CDK5RAP2: variants seen among roughly 807,000 people sequenced by gnomAD.
The protein encoded by CDK5RAP2 is CDK5 regulatory subunit-associated protein 2.
CDK5RAP2 carries 147 observed loss-of-function variants against 232.9 expected under a neutral mutation model. That is an observed-to-expected ratio of 0.63 (90% CI 0.55 to 0.72). The LOEUF is 0.72. Ranked by LOEUF, CDK5RAP2 falls within the 30% of genes least tolerant of loss-of-function variation. The pLI is 0.00. For synonymous variants in CDK5RAP2, 833 were observed against 833.7 expected (o/e 1.00, Z 0.01); for missense variants, 2,195 against 2,231.5 (o/e 0.98, Z 0.33).
chr9:120,425,070 G>A (rs1268627721), intron 25 of CDK5RAP2, among the ~76,000 whole-genome samples: 1 of 152,062 alleles, frequency 6.6e-6, no homozygotes, highest in Non-Finnish European at 1.5e-5. Context: ...TTTGGGGCAG[G>A]CTTTAAGCAT....
intron 22 of CDK5RAP2, among the ~76,000 whole-genome samples, chr9:120,446,413 A>G (rs1017281329): frequency 1.3e-5 from 2 of 152,074 alleles, no homozygotes; most frequent in Admixed American, 1.3e-4. Flanking sequence ...TTTAGTAGAG[A>G]TGGGGTTTCG....
rs2040971546 is a variant in CDK5RAP2 at position 120,527,813 on chromosome 9, T to C, written c.992A>G (p.Glu331Gly). ...CAAGTGTATCAGACATACCTTTTTTTCCTTTGATTTTAATGCCATGGTTAA... is the reference window on the plus strand; with the variant it reads ...CAAGTGTATCAGACATACCTTTTTTCCCTTTGATTTTAATGCCATGGTTAA... ...QGLTMALKSK[E>G]KKVEELNSEI... The change falls in exon 10 of 38, where the codon GAA (glutamate) becomes GGA (glycine). Residue 331 changes from glutamate (E) to glycine (G), a missense_variant. Transcript: ENST00000349780. The C allele has an allele frequency of 6.2e-7, 1 of 1,613,576 alleles. No homozygotes were observed. The highest frequency in any genetic ancestry group is 1.1e-5 in the South Asian group (1 of 91,078).
At chr9:120,558,331 C>G (rs1483907974) in intron 3 of CDK5RAP2, among the ~76,000 whole-genome samples, 3 of 127,374 alleles carry the variant, frequency 2.4e-5, no homozygotes, top group African/African-American at 8.9e-5. Flanking sequence ...CGAGATCACA[C>G]CACTGCACTC....
Position 120,518,595 on chromosome 9 carries a change from A to G in CDK5RAP2, c.1143T>C (p.Ala381=). 1.2e-6 allele frequency: 2 copies of G among 1,613,848 alleles called. No homozygotes were observed. Among genetic ancestry groups the G allele is most frequent in the Non-Finnish European group, 1.7e-6 (2 of 1,179,976 alleles). ...TGGTGAGGTTTTGTGAGCGCAGCGC[A>G]GCCGAAAGGGCTTCCTTTCCTGATA... ...TALSGKEALS[A]ALRSQNLTKS... Residue 381 remains alanine (A), a synonymous_variant, in exon 12 of 38, where the codon GCT becomes GCC. Transcript: ENST00000349780.
chr9:120,518,347 A>C (rs1483029900), intron 12 of CDK5RAP2, 80 bp downstream of exon 12: 1 of 1,132,634 alleles, frequency 8.8e-7, no homozygotes, highest in Non-Finnish European at 1.3e-6. Context: ...TTCTGTACTG[A>C]ATATCACCCT....
At chr9:120,416,062 C>T (rs1268926260) in intron 27 of CDK5RAP2, among the ~76,000 whole-genome samples, 1 of 152,138 alleles carries the variant, frequency 6.6e-6, no homozygotes, top group Non-Finnish European at 1.5e-5. Context: ...CATACACTCA[C>T]TCAACAATCA....
In CDK5RAP2 at chr9:120,439,606, G is replaced by C; in HGVS notation, c.3515C>G (p.Ser1172Ter). The stretch of plus-strand genomic sequence containing the variant: ...CACGTATCGCACTTGGTGCAAACTT[G>C]AAAAGGTCATTTCTTCCCCATCAGA... ...NGSDGEEMTF[S>*]SLHQVRYVKH... Residue 1172 changes from serine (S) to a stop codon, truncating the protein, a stop_gained, in exon 24 of 38, where the codon TCA (serine) becomes TGA (stop). Coordinates refer to ENST00000349780, the MANE Select transcript of CDK5RAP2 (RefSeq NM_018249.6). LOFTEE classifies it high-confidence loss of function. 6.2e-7 allele frequency: 1 copy of C among 1,614,166 alleles called. No homozygotes were observed. The highest frequency in any genetic ancestry group is 2.2e-5 in the East Asian group (1 of 44,864).
At chr9:120,477,743 T>C (rs1401295712) in intron 14 of CDK5RAP2, among the ~76,000 whole-genome samples, 15 of 152,172 alleles carry the variant, frequency 9.9e-5, no homozygotes. Context: ...CATGAGTCTG[T>C]CATCCCTCAG....
intron 20 of CDK5RAP2, 120 bp from the exon 21 acceptor site, chr9:120,453,993 A>G: frequency 9.9e-7 from 1 of 1,005,088 alleles, no homozygotes. Flanking sequence ...AACTAAATAC[A>G]GTGTGTACCC....
At chr9:120,412,261 A>G (rs182544591) in intron 28 of CDK5RAP2, among the ~76,000 whole-genome samples, 1 of 152,222 alleles carries the variant, frequency 6.6e-6, no homozygotes, top group Non-Finnish European at 1.5e-5. Flanking sequence ...CACCCTCAGG[A>G]AAGTGCCTAC....
intron 3 of CDK5RAP2, among the ~76,000 whole-genome samples, chr9:120,558,140 C>T (rs1250459054): frequency 2.7e-5 from 4 of 146,178 alleles, no homozygotes; most frequent in South Asian, 2.2e-4. Flanking sequence ...TTTGGGAGGC[C>T]GAGGCAGGCA....
chr9:120,554,913 A>G (rs10760102), intron 3 of CDK5RAP2, among the ~76,000 whole-genome samples: 143,974 of 152,212 alleles, frequency 0.95, 68,595 homozygotes, highest in East Asian at 1. Flanking sequence ...GATTACAGGC[A>G]TGAGTCACCA....
At chr9:120,410,354 C>T (rs547777906) in intron 29 of CDK5RAP2, among the ~76,000 whole-genome samples, 9 of 152,182 alleles carry the variant, frequency 5.9e-5, no homozygotes, top group Non-Finnish European at 1.3e-4. Flanking sequence ...TGCTCTCTTC[C>T]TTCTATTTAA....
chr9:120,398,221 C>G (rs1474672615), intron 35 of CDK5RAP2, among the ~76,000 whole-genome samples: 1 of 152,174 alleles, frequency 6.6e-6, no homozygotes, highest in Non-Finnish European at 1.5e-5. Context: ...ATCACAAGTT[C>G]ATTCTGATAT....
chr9:120,555,311 T>G (rs1413603636), intron 3 of CDK5RAP2, among the ~76,000 whole-genome samples: 4 of 151,908 alleles, frequency 2.6e-5, no homozygotes, highest in Non-Finnish European at 5.9e-5. Flanking sequence ...TTTTGTATTT[T>G]TTTTTAAATA....
chr9:120,487,795 G>A (rs376156794), intron 13 of CDK5RAP2, among the ~76,000 whole-genome samples: 7 of 152,328 alleles, frequency 4.6e-5, no homozygotes, highest in African/African-American at 1.7e-4. Flanking sequence ...CCTGCTCAGG[G>A]TGCGATCTGC....
chr9:120,390,113 A>T (rs1326309104), intron 36 of CDK5RAP2: 1 of 327,538 alleles, frequency 3.1e-6, no homozygotes, highest in African/African-American at 2.1e-5. Flanking sequence ...GGTATCCCTC[A>T]GGCTCACTTC....
chr9:120,461,714 T>C (rs549370775), intron 18 of CDK5RAP2, among the ~76,000 whole-genome samples: 60 of 152,238 alleles, frequency 3.9e-4, no homozygotes, highest in African/African-American at 1.3e-3. Context: ...TGGTGGTACA[T>C]GCCTGTAGTC....
intron 20 of CDK5RAP2, among the ~76,000 whole-genome samples, chr9:120,456,368 C>T (rs73660252): frequency 0.026 from 3,989 of 152,296 alleles, 66 homozygotes; most frequent in East Asian, 0.041. Flanking sequence ...TAACATACTC[C>T]GAACTTCCCT....
Sources: allele counts gnomAD v4.1 joint callset (sites outside exome capture counted in the v4.1 genomes callset), GRCh38; gene constraint gnomAD v4.1.1; transcripts MANE v1.5; gene names NCBI Gene and HGNC (gene_info 2026-07-23, HGNC 2026-07-21).